Variants in TRIM61 observed in about 807,000 individuals in gnomAD.
TRIM61 encodes the protein tripartite motif containing 61, also known as putative tripartite motif-containing protein 61.
A neutral mutation model predicts 14.2 loss-of-function variants in TRIM61; 1 was observed. That is an observed-to-expected ratio of 0.07 (90% CI 0.03 to 0.33). TRIM61 has a LOEUF of 0.33. Ranked by LOEUF, TRIM61 falls within the 10% of genes least tolerant of loss-of-function variation. The pLI is 0.99. For missense variants in TRIM61, 19 were observed against 202.2 expected (o/e 0.09, Z 5.49); for synonymous variants, 8 against 71.6 (o/e 0.11, Z 4.49).
Position 164,972,053 on chromosome 4 carries a change from T to C in TRIM61, c.-337-1714A>G, listed in dbSNP as rs558776589. On this transcript the variant is annotated intron_variant, in intron 2 of 4. Coordinates refer to ENST00000329314, the MANE Select transcript of TRIM61 (RefSeq NM_001012414.3). ...ATGCAGTAGCCCTAGAAAGTCACCA[T>C]TTATCCATTATTCCCAAACTTAAAG... Among the ~76,000 whole-genome samples, 6 of 152,338 alleles carry C rather than the reference T, an allele frequency of 3.9e-5. No homozygotes were observed. In the East Asian group the frequency reaches 1.2e-3, roughly 29 times the overall value.
At chr4:164,968,169 G>GAA in intron 3 of TRIM61, 112 bp downstream of exon 3, 1 of 981,878 alleles carries the variant, frequency 1.0e-6, no homozygotes, top group Non-Finnish European at 1.2e-6. Context: ...AGAGGAAAAA[G>GAA]AAAAGAAAAG....
chr4:164,963,071 A>C (rs1437956764), intron 3 of TRIM61, among the ~76,000 whole-genome samples: 1 of 152,246 alleles, frequency 6.6e-6, no homozygotes, highest in Admixed American at 6.5e-5. Context: ...AAATGTAATC[A>C]TAAAACATGC....
At chr4:164,976,350 C>T (rs1183196852) in intron 2 of TRIM61, among the ~76,000 whole-genome samples, 1 of 152,146 alleles carries the variant, frequency 6.6e-6, no homozygotes, top group African/African-American at 2.4e-5. Context: ...ACTAGAAATA[C>T]CCACAGGTGT....
chr4:164,957,297 C>T (rs759247415), intron 3 of TRIM61: 4 of 1,614,190 alleles, frequency 2.5e-6, no homozygotes, highest in Non-Finnish European at 3.4e-6. Context: ...GTCAGCCGCT[C>T]ATGGTGCCCA....
Position 164,959,591 on chromosome 4 carries a change from A to G in TRIM61, c.526-4495T>C. On this transcript the variant is annotated intron_variant, in intron 3 of 4. Coordinates refer to ENST00000329314, the MANE Select transcript of TRIM61 (RefSeq NM_001012414.3). ...CCACACATGCCTGAGACCAAAGTTC[A>G]GAGTGCTTGCCCATGACTCATGCTC... Among the ~76,000 whole-genome samples the G allele has an allele frequency of 1.3e-5, 2 of 152,240 alleles. 1 individual carries two copies. Among genetic ancestry groups the G allele is most frequent in the Non-Finnish European group, 2.9e-5 (2 of 68,050 alleles).
chr4:164,977,242 AC>A (rs1204663647), intron 1 of TRIM61, among the ~76,000 whole-genome samples: 1 of 151,768 alleles, frequency 6.6e-6, no homozygotes, highest in Non-Finnish European at 1.5e-5. Flanking sequence ...TAACTCCCCA[AC>A]CCCCACTCCC....
At chr4:164,961,647 A>T (rs1221080723) in intron 3 of TRIM61, among the ~76,000 whole-genome samples, 1 of 152,170 alleles carries the variant, frequency 6.6e-6, no homozygotes, top group African/African-American at 2.4e-5. Flanking sequence ...AGAACCAAGA[A>T]GCCCACCAAG....
At chr4:164,964,859 ACT>A (rs906328872) in intron 3 of TRIM61, among the ~76,000 whole-genome samples, 3 of 152,254 alleles carry the variant, frequency 2.0e-5, no homozygotes, top group South Asian at 2.1e-4. Flanking sequence ...CACAGAAGCC[ACT>A]GAGTTTATAG....
chr4:164,956,578 C>T (rs1731994569), intron 3 of TRIM61, among the ~76,000 whole-genome samples: 3 of 152,130 alleles, frequency 2.0e-5, no homozygotes, highest in Non-Finnish European at 4.4e-5. Flanking sequence ...TATTTATTCC[C>T]TAAAAGACAA....
intron 2 of TRIM61, among the ~76,000 whole-genome samples, chr4:164,974,686 C>T (rs1335751582): frequency 6.6e-6 from 1 of 151,954 alleles, no homozygotes; most frequent in African/African-American, 2.4e-5. Flanking sequence ...TCAAGACCAG[C>T]CTGAGCAACA....
At chr4:164,969,439 C>T (rs532940005) in intron 3 of TRIM61, 246 of 1,563,426 alleles carry the variant, frequency 1.6e-4, no homozygotes, top group Non-Finnish European at 2.1e-4. Flanking sequence ...ACCTAAGTTG[C>T]TCAAATTCAG....
rs1732300878 is a variant in TRIM61 at position 164,968,979 on chromosome 4, A to T, written c.525+499T>A. 8.8e-6 allele frequency: 9 copies of T among 1,024,392 alleles called. No homozygotes were observed. The South Asian group carries it at 3.0e-4, about 35-fold the overall frequency. 63.5% of individuals were successfully genotyped at this position (1,024,392 alleles called of 1,614,324 possible). A position where few individuals can be genotyped will look rare whatever the true frequency, so the allele number is the denominator to read the frequency against. On this transcript the variant is annotated intron_variant, in intron 3 of 4. Coordinates refer to ENST00000329314, the MANE Select transcript of TRIM61 (RefSeq NM_001012414.3). ...TGCCTGCCACAACTATATCCCTTAG[A>T]ACCCAGAACAGCTGGGAGGAGATAA...
chr4:164,971,261 G>A (rs1024415590), intron 2 of TRIM61, among the ~76,000 whole-genome samples: 2 of 151,988 alleles, frequency 1.3e-5, no homozygotes, highest in Admixed American at 1.3e-4. Flanking sequence ...GATGCACAGC[G>A]GGAAGCCATC....
chr4:164,965,154 G>C (rs1394146323), intron 3 of TRIM61, among the ~76,000 whole-genome samples: 1 of 152,106 alleles, frequency 6.6e-6, no homozygotes, highest in Non-Finnish European at 1.5e-5. Flanking sequence ...CGGGCACGGT[G>C]ACGCGAGTCT....
intron 3 of TRIM61, among the ~76,000 whole-genome samples, chr4:164,955,412 A>T (rs1050843640): frequency 1.3e-5 from 2 of 151,886 alleles, no homozygotes; most frequent in African/African-American, 2.4e-5. Flanking sequence ...GTTTTAAAAA[A>T]TTTTTTCCAG....
rs1468018031 is a variant in TRIM61 at position 164,954,649 on chromosome 4, A to G, written c.*136T>C. ...TGTAATTAAAATTTTATTATGGTAT[A>G]GGAACATATACATACCCTACACATG... On this transcript the variant is annotated 3_prime_UTR_variant, in exon 5 of 5. Coordinates refer to ENST00000329314, the MANE Select transcript of TRIM61 (RefSeq NM_001012414.3). 1 of 152,280 alleles carries G rather than the reference A, an allele frequency of 6.6e-6. No homozygotes were observed. The highest frequency in any genetic ancestry group is 2.4e-5 in the African/African-American group (1 of 41,450). The allele number at this position is 152,280 out of a possible 1,614,324, so 9.4% of individuals were successfully genotyped here.
intron 3 of TRIM61, among the ~76,000 whole-genome samples, chr4:164,963,607 G>T (rs1356603870): frequency 6.6e-6 from 1 of 152,126 alleles, no homozygotes; most frequent in Middle Eastern, 3.2e-3. Context: ...AGCTAGGCGT[G>T]GTGGTGTGCA....
At chr4:164,963,395 A>G (rs1732175255) in intron 3 of TRIM61, among the ~76,000 whole-genome samples, 1 of 152,208 alleles carries the variant, frequency 6.6e-6, no homozygotes, top group Non-Finnish European at 1.5e-5. Flanking sequence ...CCTATGGGAC[A>G]CTCACCAAGA....
intron 3 of TRIM61, among the ~76,000 whole-genome samples, chr4:164,955,581 A>C (rs1031648468): frequency 1.4e-4 from 22 of 152,020 alleles, no homozygotes; most frequent in Admixed American, 2.6e-4. Flanking sequence ...AAAAAAAAAA[A>C]AAAAAAAAAC....
Sources: allele counts gnomAD v4.1 joint callset (sites outside exome capture counted in the v4.1 genomes callset), GRCh38; gene constraint gnomAD v4.1.1; transcripts MANE v1.5; gene names NCBI Gene and HGNC (gene_info 2026-07-23, HGNC 2026-07-21).